The following ST8SIA5 variants were observed in gnomAD, a reference collection of about 807,000 sequenced individuals.
The protein encoded by ST8SIA5 is ST8 alpha-N-acetyl-neuraminide alpha-2,8-sialyltransferase 5.
Under a neutral mutation model 40.2 loss-of-function variants are expected in ST8SIA5, and 24 were observed. The ratio of observed to expected loss-of-function variants is 0.60; its 90% confidence interval spans 0.43 to 0.84. The LOEUF (loss-of-function observed/expected upper bound fraction) is 0.84, where lower values mean the gene tolerates loss of function less well. Among genes scored for constraint, ST8SIA5 ranks in the 40% least tolerant of loss-of-function variants. ST8SIA5 has a pLI of 0.00. For synonymous variants in ST8SIA5, 198 were observed against 201.8 expected (o/e 0.98, Z 0.16); for missense variants, 465 against 498.5 (o/e 0.93, Z 0.64).
At chr18:46,717,688 G>A (rs1472349521) in intron 1 of ST8SIA5, among the ~76,000 whole-genome samples, 1 of 152,154 alleles carries the variant, frequency 6.6e-6, no homozygotes, top group Non-Finnish European at 1.5e-5. Context: ...TGATTCTAAT[G>A]TGTTTCCAGA....
At chr18:46,695,855 A>G (rs1370486817) in intron 2 of ST8SIA5, among the ~76,000 whole-genome samples, 2 of 152,282 alleles carry the variant, frequency 1.3e-5, no homozygotes, top group African/African-American at 4.8e-5. Context: ...TTGTTGAGTT[A>G]TCTCCATATG....
chr18:46,685,891 C>A (rs1046395441), intron 5 of ST8SIA5: 2 of 415,770 alleles, frequency 4.8e-6, no homozygotes, highest in South Asian at 6.4e-5. Context: ...GACCTCCCGA[C>A]ACAGCTGCAA....
intron 1 of ST8SIA5, among the ~76,000 whole-genome samples, chr18:46,752,445 A>G (rs1056058112): frequency 6.6e-6 from 1 of 152,208 alleles, no homozygotes; most frequent in African/African-American, 2.4e-5. Context: ...AAGAGCATCA[A>G]GGAGTACGTT....
chr18:46,723,906 A>G (rs1351484147), intron 1 of ST8SIA5, among the ~76,000 whole-genome samples: 1 of 152,118 alleles, frequency 6.6e-6, no homozygotes, highest in Non-Finnish European at 1.5e-5. Context: ...AGCCTGGGTG[A>G]CAAGAGCAAA....
intron 1 of ST8SIA5, among the ~76,000 whole-genome samples, chr18:46,724,185 C>T (rs1474438274): frequency 3.3e-5 from 5 of 152,368 alleles, no homozygotes; most frequent in Middle Eastern, 3.4e-3. Flanking sequence ...ATGATGCCCA[C>T]GCACCTCCCT....
chr18:46,718,066 C>A (rs1443080542), intron 1 of ST8SIA5, among the ~76,000 whole-genome samples: 2 of 152,110 alleles, frequency 1.3e-5, no homozygotes, highest in South Asian at 4.1e-4. Flanking sequence ...CTGTGGCTCA[C>A]GCCTGTAATC....
chr18:46,740,127 A>T (rs548584579), intron 1 of ST8SIA5, among the ~76,000 whole-genome samples: 1 of 152,316 alleles, frequency 6.6e-6, no homozygotes, highest in East Asian at 1.9e-4. Context: ...TCCTCCCAAT[A>T]AAAAACACTA....
chr18:46,723,494 G>A (rs1394875316), intron 1 of ST8SIA5, among the ~76,000 whole-genome samples: 1 of 151,454 alleles, frequency 6.6e-6, no homozygotes, highest in Non-Finnish European at 1.5e-5. Context: ...GGAGGTTGAA[G>A]TAAGCCGAGA....
chr18:46,744,760 A>G (rs144944966), intron 1 of ST8SIA5, among the ~76,000 whole-genome samples: 7,545 of 152,292 alleles, frequency 0.05, 295 homozygotes, highest in Non-Finnish European at 0.075. Context: ...AACAGAATAT[A>G]CATTCTTCTC....
chr18:46,756,353 C>T (rs778761280), intron 1 of ST8SIA5, 25 bp downstream of exon 1: 2 of 1,607,632 alleles, frequency 1.2e-6, no homozygotes. Flanking sequence ...TCCGCGCATC[C>T]CGCCCTCTCA....
chr18:46,750,099 G>C (rs939846820), intron 1 of ST8SIA5, among the ~76,000 whole-genome samples: 6 of 152,118 alleles, frequency 3.9e-5, no homozygotes, highest in African/African-American at 1.4e-4. Context: ...AACAAACTAA[G>C]ATGTAAATCT....
At chr18:46,713,740 AGAG>A (rs2039756892) in intron 1 of ST8SIA5, among the ~76,000 whole-genome samples, 1 of 152,192 alleles carries the variant, frequency 6.6e-6, no homozygotes, top group Non-Finnish European at 1.5e-5. Context: ...GGGTCAAAGA[AGAG>A]GAGGACAGAG....
chr18:46,684,346 T>C (rs1002511765), intron 5 of ST8SIA5, among the ~76,000 whole-genome samples: 1 of 152,202 alleles, frequency 6.6e-6, no homozygotes, highest in Admixed American at 6.5e-5. Context: ...CAAAAAATTG[T>C]TTTTTATCTG....
intron 1 of ST8SIA5, among the ~76,000 whole-genome samples, chr18:46,748,238 T>TA (rs1599155663): frequency 5.0e-5 from 6 of 119,798 alleles, no homozygotes; most frequent in Non-Finnish European, 9.2e-5. Flanking sequence ...ATAAATAAAT[T>TA]AATTAATTTA....
intron 1 of ST8SIA5, among the ~76,000 whole-genome samples, chr18:46,713,376 T>C (rs900849228): frequency 1.3e-5 from 2 of 152,180 alleles, no homozygotes; most frequent in Admixed American, 1.3e-4. Flanking sequence ...TTTGGGGTGT[T>C]GGGCCCTGTG....
chr18:46,741,731 C>A (rs2040087970), intron 1 of ST8SIA5, among the ~76,000 whole-genome samples: 1 of 152,018 alleles, frequency 6.6e-6, no homozygotes, highest in Non-Finnish European at 1.5e-5. Context: ...AGTAATTGAC[C>A]ACATCAAAAG....
In ST8SIA5 at chr18:46,671,959, T is replaced by C. The variant is rs2039311591; in HGVS notation, c.*8083A>G. 6.6e-6 allele frequency: 1 copy of C among 152,158 alleles called. No homozygotes were observed. 9.4% of individuals were successfully genotyped at this position (152,158 alleles called of 1,614,324 possible). On this transcript the variant is annotated 3_prime_UTR_variant, in exon 7 of 7. Transcript: ENST00000315087. ...ACCAGCATTGGCATCACCTGGGAACTTGTTAGAGATGCTCCACCCTGGCCT... is the reference window on the plus strand; with the variant it reads ...ACCAGCATTGGCATCACCTGGGAACCTGTTAGAGATGCTCCACCCTGGCCT...
chr18:46,687,834 A>G (rs1465389385), intron 4 of ST8SIA5, among the ~76,000 whole-genome samples: 1 of 152,216 alleles, frequency 6.6e-6, no homozygotes, highest in African/African-American at 2.4e-5. Context: ...CATTCACTGA[A>G]TGCTGTCCTG....
intron 5 of ST8SIA5, among the ~76,000 whole-genome samples, chr18:46,683,274 C>T (rs17700084): frequency 0.19 from 28,563 of 152,030 alleles, 2,829 homozygotes; most frequent in Admixed American, 0.23. Context: ...GGTTGGTCTA[C>T]AAATATTCAT....
Sources: gnomAD v4.1 joint callset for allele counts (sites outside exome capture counted in the v4.1 genomes callset) on GRCh38, gnomAD v4.1.1 for gene constraint, MANE v1.5 for transcripts, NCBI Gene and HGNC (gene_info 2026-07-23, HGNC 2026-07-21) for gene names.